Variants in MRM1 observed in about 807,000 individuals in gnomAD.
The protein encoded by MRM1 is rRNA methyltransferase 1, mitochondrial.
A neutral mutation model predicts 25.0 loss-of-function variants in MRM1; 24 were observed. That is an observed-to-expected ratio of 0.96 (90% CI 0.69 to 1.35). MRM1 has a LOEUF of 1.35. Ranked by LOEUF, MRM1 falls within the 40% of genes most tolerant of loss-of-function variation. MRM1 has a pLI of 0.00. For missense variants in MRM1, 431 were observed against 464.1 expected (o/e 0.93, Z 0.65); for synonymous variants, 188 against 199.2 (o/e 0.94, Z 0.47).
At position 36,603,308 on chromosome 17, in the gene MRM1, C is replaced by A. The variant is rs1053549599; in HGVS notation, c.636+662C>A. On this transcript the variant is annotated intron_variant, in intron 2 of 4. Transcript: ENST00000614766. Reference sequence around the variant, plus strand: ...TAGGTAGTTTTAGCTTTTCTAGTAGCCACATTGAAAAGTAAAGAGATGACA... The same window carrying A: ...TAGGTAGTTTTAGCTTTTCTAGTAGACACATTGAAAAGTAAAGAGATGACA... 1.7e-5 allele frequency: 12 copies of A among 706,734 alleles called. No individual in the cohort carries two copies. In the African/African-American group the frequency reaches 1.9e-4, roughly 11 times the overall value. The allele number at this position is 706,734 out of a possible 1,614,324, so 43.8% of individuals were successfully genotyped here.
chr17:36,608,532 C>A lies in MRM1; in HGVS notation c.*117C>A. 1.6e-6 allele frequency: 1 copy of A among 626,308 alleles called. No homozygotes were observed. 38.8% of individuals were successfully genotyped at this position (626,308 alleles called of 1,614,324 possible). A position where few individuals can be genotyped will look rare whatever the true frequency, so the allele number is the denominator to read the frequency against. ...GTGCACCAGGCCCATGTTTATTGAC[C>A]ACAGTCTGGGGGGGGGGGAAGGGGA... On this transcript the variant is annotated 3_prime_UTR_variant, in exon 5 of 5. Coordinates refer to ENST00000614766, the MANE Select transcript of MRM1 (RefSeq NM_024864.5).
At position 36,608,789 on chromosome 17, in the gene MRM1, A is replaced by T; in HGVS notation, c.*374A>T. 5.5e-6 allele frequency: 1 copy of T among 181,492 alleles called. No individual in the cohort carries two copies. The highest frequency in any genetic ancestry group is 1.1e-5 in the Non-Finnish European group (1 of 88,068). 11.2% of individuals were successfully genotyped at this position (181,492 alleles called of 1,614,324 possible). Reference sequence around the variant, plus strand: ...GTCATTGCCTGTGGCAAATGTGTGTATGAGAATGTGGGGGGTGGAGGGCGG... The same window carrying T: ...GTCATTGCCTGTGGCAAATGTGTGTTTGAGAATGTGGGGGGTGGAGGGCGG... On this transcript the variant is annotated 3_prime_UTR_variant, in exon 5 of 5. Coordinates refer to ENST00000614766, the MANE Select transcript of MRM1 (RefSeq NM_024864.5).
chr17:36,605,152 AAAGAGAGAG>A (rs1465899258), intron 2 of MRM1, among the ~76,000 whole-genome samples: 16 of 145,530 alleles, frequency 1.1e-4, no homozygotes, highest in African/African-American at 4.3e-4. Context: ...AAAAAAAAAA[AAAGAGAGAG>A]AGAGAGAGAG....
intron 2 of MRM1, among the ~76,000 whole-genome samples, chr17:36,606,464 G>T (rs2074929036): frequency 6.6e-6 from 1 of 151,270 alleles, no homozygotes; most frequent in African/African-American, 2.4e-5. Flanking sequence ...ACCCAAGCAG[G>T]AGTGCAGTGG....
chr17:36,611,062 G>A (rs944614501), downstream of MRM1, among the ~76,000 whole-genome samples: 3 of 152,176 alleles, frequency 2.0e-5, no homozygotes, highest in African/African-American at 4.8e-5. Context: ...TGATCTGCCC[G>A]CCTTGGCCTC....
downstream of MRM1, among the ~76,000 whole-genome samples, chr17:36,612,042 G>T (rs567285492): frequency 5.3e-5 from 8 of 152,314 alleles, no homozygotes; most frequent in South Asian, 1.7e-3. Flanking sequence ...TGGGATGCAG[G>T]GTTCAGCTTG....
downstream of MRM1, among the ~76,000 whole-genome samples, chr17:36,609,850 T>C (rs1342631622): frequency 1.3e-5 from 2 of 152,252 alleles, no homozygotes; most frequent in Non-Finnish European, 2.9e-5. Flanking sequence ...CTGGAATCCA[T>C]CTGCATTGGA....
At chr17:36,609,613 G>A (rs1310429036), downstream of MRM1, among the ~76,000 whole-genome samples, 2 of 152,186 alleles carry the variant, frequency 1.3e-5, no homozygotes, top group African/African-American at 4.8e-5. Context: ...TGGCTTCTAA[G>A]AGACAAAAAT....
At chr17:36,622,340 G>A in the MRM1 span, among the ~76,000 whole-genome samples, 1 of 152,138 alleles carries the variant, frequency 6.6e-6, no homozygotes, top group Non-Finnish European at 1.5e-5. Flanking sequence ...GGGAGGCCGA[G>A]GTGTGTGGAT....
Position 36,607,958 on chromosome 17 carries a change from A to G in MRM1, c.829A>G (p.Ile277Val), listed in dbSNP as rs773721764. The change falls in exon 4 of 5, where the codon ATC becomes GTC. Residue 277 changes from isoleucine to valine, a missense_variant. By Grantham distance (29) the Ile-to-Val change is conservative. Coordinates refer to ENST00000614766, the MANE Select transcript of MRM1 (RefSeq NM_024864.5). ...GGCCTCCTGCCAGCTTCTCCTCACC[A>G]TCCTGCCCCGGCGCCAGCTGCCTCC... ...VQASCQLLLT[I>V]LPRRQLPPGL... is the part of the protein sequence containing the mutation. 19 of 1,613,870 alleles carry G rather than the reference A, an allele frequency of 1.2e-5. No individual in the cohort carries two copies. In the East Asian group the frequency reaches 4.0e-4, roughly 34 times the overall value.
chr17:36,615,357 C>A, the MRM1 span, among the ~76,000 whole-genome samples: 1 of 152,060 alleles, frequency 6.6e-6, no homozygotes, highest in South Asian at 2.1e-4. Context: ...TTATCTGCAA[C>A]CTGAGAAAAA....
rs551025222 is a variant in MRM1, at chr17:36,604,759, T to C, written c.636+2113T>C. Among the ~76,000 whole-genome samples, 190 of 151,028 alleles carry C rather than the reference T, an allele frequency of 1.3e-3. 2 individuals are homozygous for C. Among genetic ancestry groups the C allele is most frequent in the African/African-American group, 4.3e-3 (175 of 41,044 alleles). ...AGGTGGAGGTGGTAGTGAGCCGAGA[T>C]TGTGCCACTGCACTCCAGCCTGAGT... On this transcript the variant is annotated intron_variant, in intron 2 of 4. Coordinates refer to ENST00000614766, the MANE Select transcript of MRM1 (RefSeq NM_024864.5).
chr17:36,617,040 A>G, the MRM1 span, among the ~76,000 whole-genome samples: 1 of 151,964 alleles, frequency 6.6e-6, no homozygotes, highest in Non-Finnish European at 1.5e-5. Context: ...AGCTACCTTG[A>G]CAAGCTCTAA....
the MRM1 span, among the ~76,000 whole-genome samples, chr17:36,617,545 A>G: frequency 6.6e-6 from 1 of 151,786 alleles, no homozygotes; most frequent in Non-Finnish European, 1.5e-5. Context: ...GGCTCCCACC[A>G]CAACCACACC....
At chr17:36,633,490 T>C in the MRM1 span, among the ~76,000 whole-genome samples, 2 of 151,696 alleles carry the variant, frequency 1.3e-5, no homozygotes, top group South Asian at 4.2e-4. Context: ...GAGATGGTGT[T>C]TGGGCAGGGG....
chr17:36,603,176 A>AACCCCCCCCCC, intron 2 of MRM1: 1 of 566,530 alleles, frequency 1.8e-6, no homozygotes, highest in Non-Finnish European at 2.2e-6. Flanking sequence ...TACCCCCCCC[A>AACCCCCCCCCC]ACCCCCACCC....
Position 36,601,881 on chromosome 17 carries a change from C to T in MRM1, c.71C>T (p.Ala24Val). The T allele has an allele frequency of 6.2e-7, 1 of 1,608,730 alleles. No homozygotes were observed. The change falls in exon 1 of 5, where the codon GCG becomes GTG. Residue 24 changes from alanine (A) to valine (V), a missense_variant. By Grantham distance (64) the Ala-to-Val change is moderately conservative. Transcript: ENST00000614766. ...GTCACCCGTCATTTCTCCCATGCAG[C>T]GCGGCATGGGGAGCGGCCTGGTGGG... ...RLVTRHFSHA[A>V]RHGERPGGEE...
chr17:36,614,614 G>A, the MRM1 span, among the ~76,000 whole-genome samples: 5 of 152,132 alleles, frequency 3.3e-5, no homozygotes, highest in Admixed American at 1.3e-4. Context: ...TGAACAGGGC[G>A]CAGTCTCAGG....
At chr17:36,610,597 A>C (rs769648606), downstream of MRM1, among the ~76,000 whole-genome samples, 13 of 152,214 alleles carry the variant, frequency 8.5e-5, no homozygotes, top group Non-Finnish European at 1.6e-4. Flanking sequence ...CATAAACTGC[A>C]CTGATCAGCT....
Sources: gnomAD v4.1 joint callset for allele counts (sites outside exome capture counted in the v4.1 genomes callset) on GRCh38, gnomAD v4.1.1 for gene constraint, MANE v1.5 for transcripts, NCBI Gene and HGNC (gene_info 2026-07-23, HGNC 2026-07-21) for gene names.